MYO18B: variants seen among roughly 807,000 people sequenced by gnomAD.
MYO18B encodes unconventional myosin-XVIIIb.
Under a neutral mutation model 273.0 loss-of-function variants are expected in MYO18B, and 204 were observed. The observed-to-expected ratio is 0.75, with a 90% CI of 0.67 to 0.84. The LOEUF (loss-of-function observed/expected upper bound fraction) is 0.84. MYO18B is among the 40% of genes least tolerant of loss of function. The pLI is 0.00. For missense variants in MYO18B, 3,212 were observed against 3,287.6 expected, an observed-to-expected ratio of 0.98 and a Z score of 0.56; for synonymous variants, 1,330 against 1,305.7, an observed-to-expected ratio of 1.02 and a Z score of -0.40.
intron 21 of MYO18B, among the ~76,000 whole-genome samples, chr22:25,867,661 G>A (rs544395227): frequency 6.4e-4 from 96 of 150,938 alleles, no homozygotes; most frequent in African/African-American, 2.1e-3. Context: ...ACGGAGTCTC[G>A]CTCTGTTGCC....
chr22:25,834,779 G>A (rs2089837706), intron 16 of MYO18B, among the ~76,000 whole-genome samples: 1 of 152,152 alleles, frequency 6.6e-6, no homozygotes, highest in African/African-American at 2.4e-5. Context: ...CTATTGACTC[G>A]TGTTCACCTT....
At position 26,030,736 on chromosome 22, in the gene MYO18B, A is replaced by AACTGT; in HGVS notation, c.*307_*311dup. ...GGACTGTTAGAATAGAACCAACCCA[A>AACTGT]ACTGTGTGTAGTTTGGGGTGTATAC... On this transcript the variant is annotated 3_prime_UTR_variant, in exon 44 of 44. Coordinates refer to ENST00000335473, the MANE Select transcript of MYO18B (RefSeq NM_032608.7). The AACTGT allele has an allele frequency of 2.5e-6, 1 of 392,366 alleles. No homozygotes were observed. Among genetic ancestry groups the AACTGT allele is most frequent in the Non-Finnish European group, 4.5e-6 (1 of 222,626 alleles). 24.3% of individuals were successfully genotyped at this position (392,366 alleles called of 1,614,324 possible). A position where few individuals can be genotyped will look rare whatever the true frequency, so the allele number is the denominator to read the frequency against.
intron 21 of MYO18B, among the ~76,000 whole-genome samples, chr22:25,864,831 G>A (rs750840085): frequency 6.6e-6 from 1 of 152,188 alleles, no homozygotes; most frequent in Non-Finnish European, 1.5e-5. Flanking sequence ...TTTGACTCAC[G>A]AAAAAGCAGC....
chr22:25,889,902 T>G (rs2091611338), intron 25 of MYO18B, among the ~76,000 whole-genome samples: 1 of 152,228 alleles, frequency 6.6e-6, no homozygotes, highest in Admixed American at 6.5e-5. Flanking sequence ...TCTTTCTTTC[T>G]TAAACCACGC....
intron 33 of MYO18B, among the ~76,000 whole-genome samples, chr22:25,916,989 G>T (rs184705001): frequency 6.6e-6 from 1 of 152,250 alleles, no homozygotes; most frequent in South Asian, 2.1e-4. Flanking sequence ...CCGAGATTGC[G>T]CCACTGCACT....
intron 7 of MYO18B, among the ~76,000 whole-genome samples, chr22:25,774,642 C>A (rs555800368): frequency 1.5e-3 from 226 of 152,342 alleles, no homozygotes; most frequent in African/African-American, 5.3e-3. Context: ...AACCCACAGC[C>A]ACCTCCTGTC....
Position 26,027,886 on chromosome 22 carries a change from C to T in MYO18B, c.*12+196C>T. The T allele has an allele frequency of 1.8e-6, 1 of 554,778 alleles. No homozygotes were observed. 34.4% of individuals were successfully genotyped at this position (554,778 alleles called of 1,614,324 possible). A position where few individuals can be genotyped will look rare whatever the true frequency, so the allele number is the denominator to read the frequency against. Reference sequence around the variant, plus strand: ...ACCCCTCTGCTGGGTACCTCTACTTCCTTGTACTTTGAAATGCAGACACAT... The same window carrying T: ...ACCCCTCTGCTGGGTACCTCTACTTTCTTGTACTTTGAAATGCAGACACAT... On this transcript the variant is annotated intron_variant, in intron 43 of 43. Coordinates refer to ENST00000335473, the MANE Select transcript of MYO18B (RefSeq NM_032608.7). This position sits in a 1 kb window ranked among gnomAD's most constrained non-coding sequence, Gnocchi z 4.1.
chr22:25,838,873 GTATATA>G (rs61430921), intron 17 of MYO18B, among the ~76,000 whole-genome samples: 4 of 151,160 alleles, frequency 2.6e-5, no homozygotes, highest in East Asian at 3.9e-4. Flanking sequence ...ACATGTTTGT[GTATATA>G]TATATATATA....
intron 1 of MYO18B, among the ~76,000 whole-genome samples, chr22:25,749,258 T>C (rs1160335967): frequency 2.0e-5 from 3 of 152,134 alleles, no homozygotes; most frequent in Non-Finnish European, 4.4e-5. Context: ...AAGAAATGTG[T>C]GCAGGGTTAG....
chr22:25,835,006 A>C (rs1394110470), intron 16 of MYO18B, among the ~76,000 whole-genome samples: 1 of 152,228 alleles, frequency 6.6e-6, no homozygotes, highest in Non-Finnish European at 1.5e-5. Flanking sequence ...AGGTATTTTC[A>C]GTCTCCATTA....
chr22:25,962,189 G>C (rs1468366132), intron 39 of MYO18B, among the ~76,000 whole-genome samples: 1 of 152,126 alleles, frequency 6.6e-6, no homozygotes, highest in Non-Finnish European at 1.5e-5. Context: ...TTATCCTCAT[G>C]CATCCTGCTG....
chr22:25,807,796 T>C (rs1185671261), intron 12 of MYO18B, among the ~76,000 whole-genome samples: 1 of 151,912 alleles, frequency 6.6e-6, no homozygotes, highest in African/African-American at 2.4e-5. Context: ...CTAGGACGTA[T>C]AGGATGGGAG....
intron 20 of MYO18B, among the ~76,000 whole-genome samples, chr22:25,850,227 T>C (rs2090384229): frequency 6.6e-6 from 1 of 152,214 alleles, no homozygotes; most frequent in African/African-American, 2.4e-5. Context: ...ACCATACCTT[T>C]TCTGATCCAG....
chr22:25,810,077 G>A (rs2088669322), intron 12 of MYO18B, among the ~76,000 whole-genome samples: 1 of 149,348 alleles, frequency 6.7e-6, no homozygotes, highest in South Asian at 2.1e-4. Context: ...TGAACAGTTT[G>A]GGGTATACCC....
chr22:25,864,342 A>G (rs2090825963), intron 21 of MYO18B, among the ~76,000 whole-genome samples: 1 of 151,996 alleles, frequency 6.6e-6, no homozygotes, highest in Non-Finnish European at 1.5e-5. Flanking sequence ...TTTTATCCAT[A>G]TTTATCTTGT....
chr22:25,878,035 T>C lies in MYO18B; in HGVS notation c.4301T>C (p.Leu1434Pro), dbSNP rs1159957019. ...AATGAACTCCGGCAGAACACAGATC[T>C]GCTAGAAAGCAAGGTATCCCCATCC... ...LRNELRQNTD[L>P]LESKIADLTS... Residue 1434 changes from leucine to proline, a missense_variant, in exon 25 of 44, where the codon CTG becomes CCG. Transcript: ENST00000335473. 2 of 1,580,816 alleles carry C rather than the reference T, an allele frequency of 1.3e-6. No individual in the cohort carries two copies. Among genetic ancestry groups the C allele is most frequent in the Non-Finnish European group, 1.7e-6 (2 of 1,162,910 alleles).
the MYO18B span, among the ~76,000 whole-genome samples, chr22:26,051,296 T>C: frequency 7.0e-6 from 1 of 142,050 alleles, no homozygotes; most frequent in African/African-American, 2.6e-5. Flanking sequence ...CCATCTCTGC[T>C]CACCGCAAGC....
intron 5 of MYO18B, 143 bp from the exon 6 acceptor site, chr22:25,770,729 C>T (rs2086686061): frequency 1.6e-6 from 1 of 631,672 alleles, no homozygotes; most frequent in Admixed American, 2.7e-5. Flanking sequence ...GTGAATAGAC[C>T]CCAAATGGAG....
At chr22:25,941,764 G>T (rs1343813628) in intron 34 of MYO18B, among the ~76,000 whole-genome samples, 3 of 152,234 alleles carry the variant, frequency 2.0e-5, no homozygotes, top group Non-Finnish European at 4.4e-5. Flanking sequence ...GCTGGGAAAT[G>T]CCTGGTCTGG....
Sources: allele counts gnomAD v4.1 joint callset (sites outside exome capture counted in the v4.1 genomes callset), GRCh38; gene constraint gnomAD v4.1.1; non-coding constraint Gnocchi (gnomAD v3.1); transcripts MANE v1.5; gene names NCBI Gene and HGNC (gene_info 2026-07-23, HGNC 2026-07-21).